Variants in TRPC1 observed in about 807,000 individuals in gnomAD.
The protein encoded by TRPC1 is transient receptor potential cation channel subfamily C member 1.
TRPC1 carries 42 observed loss-of-function variants against 88.2 expected under a neutral mutation model. That is an observed-to-expected ratio of 0.48 (90% CI 0.37 to 0.62). TRPC1 has a LOEUF of 0.62. Among genes scored for constraint, TRPC1 ranks in the 20% least tolerant of loss-of-function variants. TRPC1 has a pLI of 0.00. For synonymous variants in TRPC1, 288 were observed against 331.8 expected (o/e 0.87, Z 1.43); for missense variants, 699 against 957.3 (o/e 0.73, Z 3.56).
rs751028238 is a variant in TRPC1, at chr3:142,804,025, G to A, written c.1806G>A (p.Ala602=). The A allele has an allele frequency of 5.5e-5, 88 of 1,613,540 alleles. No individual in the cohort carries two copies. Among genetic ancestry groups the A allele is most frequent in the East Asian group, 2.2e-4 (10 of 44,862 alleles). Residue 602 remains alanine, a synonymous_variant, in exon 11 of 13, where the codon GCG becomes GCA. Coordinates refer to ENST00000476941, the MANE Select transcript of TRPC1 (RefSeq NM_001251845.2). ...TGTTCTGGTATATTTTCTCCTTAGC[G>A]CATGTGGCAATCTTTGTCACAAGAT... The part of the protein sequence containing the change: ...FALFWYIFSL[A]HVAIFVTRFS...
chr3:142,790,953 A>C (rs1395092845), intron 7 of TRPC1, 66 bp from the exon 8 acceptor site: 1 of 1,272,434 alleles, frequency 7.9e-7, no homozygotes, highest in Non-Finnish European at 1.0e-6. Context: ...TTGAGTCTTA[A>C]AGTATTATTT....
At chr3:142,756,211 C>A (rs1291772431) in intron 4 of TRPC1, among the ~76,000 whole-genome samples, 1 of 152,146 alleles carries the variant, frequency 6.6e-6, no homozygotes, top group East Asian at 1.9e-4. Context: ...CATTCACTTA[C>A]AAGTCTTTGT....
At chr3:142,801,729 T>A (rs901991898) in intron 9 of TRPC1, among the ~76,000 whole-genome samples, 9 of 152,174 alleles carry the variant, frequency 5.9e-5, no homozygotes, top group African/African-American at 2.2e-4. Context: ...TGGTTTAGAA[T>A]TGGTTTCAAA....
chr3:142,784,975 A>G lies in TRPC1; in HGVS notation c.1232A>G (p.Asp411Gly). Residue 411 changes from aspartate to glycine, a missense_variant, in exon 7 of 13, where the codon GAT (aspartate) becomes GGT (glycine). Around this residue, in one of 4 missense-constraint regions of TRPC1, gnomAD observed 426 missense variants for 641.3 expected, o/e 0.66. Transcript: ENST00000476941. ...CTATACTCTCTTGTCTACAATGAGG[A>G]TAAGAAAAACACAATGGGGCCAGCC... Reference protein sequence around the residue: ...LNLYSLVYNEDKKNTMGPALE... With the variant: ...LNLYSLVYNEGKKNTMGPALE... The G allele has an allele frequency of 6.2e-7, 1 of 1,613,850 alleles. No individual in the cohort carries two copies. Among genetic ancestry groups the G allele is most frequent in the Non-Finnish European group, 8.5e-7 (1 of 1,179,930 alleles).
chr3:142,739,229 C>G (rs1351127082), intron 2 of TRPC1, among the ~76,000 whole-genome samples: 1 of 152,118 alleles, frequency 6.6e-6, no homozygotes, highest in Non-Finnish European at 1.5e-5. Flanking sequence ...CTGCCTTGGC[C>G]TCCCAAAGTG....
At chr3:142,765,983 T>G (rs1437673554) in intron 4 of TRPC1, among the ~76,000 whole-genome samples, 1 of 151,318 alleles carries the variant, frequency 6.6e-6, no homozygotes, top group Non-Finnish European at 1.5e-5. Flanking sequence ...GAAATGCAAA[T>G]CAAATCTACA....
chr3:142,766,457 G>T (rs556627002), intron 4 of TRPC1, among the ~76,000 whole-genome samples: 14 of 149,510 alleles, frequency 9.4e-5, no homozygotes, highest in African/African-American at 3.2e-4. Flanking sequence ...CTGGAGTGTA[G>T]TGTTGCGATC....
chr3:142,773,581 G>T (rs943747669), intron 4 of TRPC1, among the ~76,000 whole-genome samples: 3 of 132,394 alleles, frequency 2.3e-5, no homozygotes, highest in South Asian at 2.5e-4. Context: ...TCTGCAGGCA[G>T]TTTTTTTTTT....
intron 3 of TRPC1, among the ~76,000 whole-genome samples, chr3:142,746,116 A>T (rs1454755922): frequency 6.6e-6 from 1 of 152,194 alleles, no homozygotes; most frequent in Non-Finnish European, 1.5e-5. Flanking sequence ...TAAATAACTG[A>T]GGGAATATAA....
At chr3:142,753,071 T>C (rs1420902251) in intron 4 of TRPC1, among the ~76,000 whole-genome samples, 1 of 152,228 alleles carries the variant, frequency 6.6e-6, no homozygotes, top group Admixed American at 6.5e-5. Flanking sequence ...TTCTTTTCCC[T>C]ACAATTAAGT....
intron 4 of TRPC1, among the ~76,000 whole-genome samples, chr3:142,765,825 T>G (rs1002892141): frequency 1.2e-4 from 19 of 152,102 alleles, no homozygotes; most frequent in Admixed American, 1.2e-3. Flanking sequence ...AAAGTATGCA[T>G]CTGACAAAGA....
intron 5 of TRPC1, among the ~76,000 whole-genome samples, chr3:142,780,437 A>G (rs1489657322): frequency 2.6e-5 from 4 of 152,236 alleles, no homozygotes; most frequent in Non-Finnish European, 5.9e-5. Flanking sequence ...TAATGATTGG[A>G]TAGCATTAAG....
At chr3:142,725,783 G>T (rs13094259) in intron 1 of TRPC1, among the ~76,000 whole-genome samples, 21,919 of 152,136 alleles carry the variant, frequency 0.14, 1,989 homozygotes, top group Middle Eastern at 0.24. Flanking sequence ...TTGTTTGTTT[G>T]TATGTGTGAA....
At chr3:142,775,700 A>G (rs1033629060) in intron 4 of TRPC1, among the ~76,000 whole-genome samples, 1 of 152,250 alleles carries the variant, frequency 6.6e-6, no homozygotes, top group African/African-American at 2.4e-5. Context: ...ATTGACTAAA[A>G]GCAGGATAAA....
In TRPC1 at chr3:142,799,239, T is replaced by C. The variant is rs1284188011; in HGVS notation, c.1582-2930T>C. Among the ~76,000 whole-genome samples the C allele has an allele frequency of 2.0e-5, 3 of 152,306 alleles. No homozygotes were observed. In the East Asian group the frequency reaches 5.8e-4, roughly 29 times the overall value. The stretch of plus-strand genomic sequence containing the variant: ...AACTCTATGTAAATTTTAGTATTAA[T>C]ATTTTAATTACCTTTCTCTTTTCAT... On this transcript the variant is annotated intron_variant, in intron 9 of 12. Coordinates refer to ENST00000476941, the MANE Select transcript of TRPC1 (RefSeq NM_001251845.2).
intron 4 of TRPC1, among the ~76,000 whole-genome samples, chr3:142,765,600 A>G (rs1935356363): frequency 6.6e-6 from 1 of 152,220 alleles, no homozygotes; most frequent in East Asian, 1.9e-4. Context: ...TAGTCTTAGA[A>G]TAACTGGCTA....
Position 142,780,877 on chromosome 3 carries a change from A to G in TRPC1, c.808A>G (p.Lys270Glu). 6.2e-7 allele frequency: 1 copy of G among 1,613,086 alleles called. No homozygotes were observed. Among genetic ancestry groups the G allele is most frequent in the Non-Finnish European group, 8.5e-7 (1 of 1,179,402 alleles). ...AGCCCGGCAATGTAAAATGTTTGCT[A>G]AGGATTTACTTGCACAAGCCCGGAA... Reference protein sequence around the residue: ...ELARQCKMFAKDLLAQARNSR... With the variant: ...ELARQCKMFAEDLLAQARNSR... Residue 270 changes from lysine (K) to glutamate (E), a missense_variant, in exon 6 of 13, where the codon AAG (lysine) becomes GAG (glutamate). Physicochemically the swap from Lys to Glu is moderately conservative, Grantham distance 56. Coordinates refer to ENST00000476941, the MANE Select transcript of TRPC1 (RefSeq NM_001251845.2).
In TRPC1 at chr3:142,800,184, G is replaced by A. The variant is rs539113140; in HGVS notation, c.1582-1985G>A. On this transcript the variant is annotated intron_variant, in intron 9 of 12. Coordinates refer to ENST00000476941, the MANE Select transcript of TRPC1 (RefSeq NM_001251845.2). Reference sequence around the variant, plus strand: ...ATCCAATAAAGCTGTCATTGATTAAGAGGAAAATGCATTTCTTCTCCTTCT... The same window carrying A: ...ATCCAATAAAGCTGTCATTGATTAAAAGGAAAATGCATTTCTTCTCCTTCT... Among the ~76,000 whole-genome samples, 37 of 152,288 alleles carry A rather than the reference G, an allele frequency of 2.4e-4. No homozygotes were observed. The South Asian group carries it at 7.7e-3, about 32-fold the overall frequency.
intron 1 of TRPC1, among the ~76,000 whole-genome samples, chr3:142,731,814 T>A (rs1472161378): frequency 6.6e-6 from 1 of 152,168 alleles, no homozygotes; most frequent in Non-Finnish European, 1.5e-5. Flanking sequence ...GTCTTGGAGC[T>A]AAAACTGGTT....
Sources: allele counts gnomAD v4.1 joint callset (sites outside exome capture counted in the v4.1 genomes callset), GRCh38; gene constraint gnomAD v4.1.1; regional missense constraint gnomAD v4.1.1; transcripts MANE v1.5; gene names NCBI Gene and HGNC (gene_info 2026-07-23, HGNC 2026-07-21).